Variants in LEF1 observed in about 807,000 individuals in gnomAD.
LEF1 encodes lymphoid enhancer binding factor 1.
In LEF1, 14 loss-of-function variants were observed where a neutral mutation model predicts 51.2. The observed-to-expected ratio is 0.27, with a 90% confidence interval of 0.18 to 0.43. LEF1 has a LOEUF of 0.43. Among genes scored for constraint, LEF1 ranks in the 20% least tolerant of loss-of-function variants. The pLI is 1.00. For missense variants in LEF1, 386 were observed against 512.0 expected, an observed-to-expected ratio of 0.75 and a Z score of 2.37; for synonymous variants, 185 against 183.2, an observed-to-expected ratio of 1.01 and a Z score of -0.08.
At chr4:108,145,837 C>T (rs1242931497) in intron 3 of LEF1, among the ~76,000 whole-genome samples, 1 of 152,066 alleles carries the variant, frequency 6.6e-6, no homozygotes, top group Admixed American at 6.5e-5. Flanking sequence ...GGGGTGAGCA[C>T]TGAGGGAATG....
intron 3 of LEF1, among the ~76,000 whole-genome samples, chr4:108,128,511 T>A (rs1179098736): frequency 6.6e-6 from 1 of 151,902 alleles, no homozygotes; most frequent in Non-Finnish European, 1.5e-5. Flanking sequence ...GGAAGGGCTT[T>A]TTTTTTTTTC....
chr4:108,167,875 C>A lies in LEF1; in HGVS notation c.-108G>T, dbSNP rs1362241474. 2.9e-5 allele frequency: 29 copies of A among 984,508 alleles called. 1 individual carries two copies. In the South Asian group the frequency reaches 4.4e-4, roughly 15 times the overall value. 61.0% of individuals were successfully genotyped at this position (984,508 alleles called of 1,614,324 possible). A position where few individuals can be genotyped will look rare whatever the true frequency, so the allele number is the denominator to read the frequency against. Reference sequence around the variant, plus strand: ...GGAGGAAAGGAGAGTTGGAAGGGTTCGTGCAGCAGGACAGCGGGCGGAAGC... The same window carrying A: ...GGAGGAAAGGAGAGTTGGAAGGGTTAGTGCAGCAGGACAGCGGGCGGAAGC... On this transcript the variant is annotated 5_prime_UTR_variant, in exon 1 of 12. Coordinates refer to ENST00000265165, the MANE Select transcript of LEF1 (RefSeq NM_016269.5). The surrounding 1 kb of genome is among the most constrained non-coding windows in gnomAD (Gnocchi z 5.7).
intron 11 of LEF1, among the ~76,000 whole-genome samples, chr4:108,052,345 T>A (rs1356142038): frequency 6.6e-6 from 1 of 152,242 alleles, no homozygotes; most frequent in African/African-American, 2.4e-5. Context: ...CCTCTTCCTT[T>A]TACGCCACTC....
At chr4:108,157,534 C>G (rs180838247) in intron 3 of LEF1, among the ~76,000 whole-genome samples, 1 of 152,272 alleles carries the variant, frequency 6.6e-6, no homozygotes, top group East Asian at 1.9e-4. Flanking sequence ...AAACTGTCAT[C>G]AAGTTCCACA....
At chr4:108,149,458 CAA>C (rs371482539) in intron 3 of LEF1, among the ~76,000 whole-genome samples, 10 of 60,588 alleles carry the variant, frequency 1.7e-4, no homozygotes, top group African/African-American at 5.8e-4. Flanking sequence ...GACTCCGTCT[CAA>C]AAAAAAAAAA....
At chr4:108,075,607 A>T (rs1738805150) in intron 8 of LEF1, 1 of 152,232 alleles carries the variant, frequency 6.6e-6, no homozygotes, top group South Asian at 2.1e-4. Flanking sequence ...GTGAAAATGT[A>T]ATTTAAATTA....
At chr4:108,050,962 C>T (rs979788562) in intron 11 of LEF1, among the ~76,000 whole-genome samples, 11 of 152,304 alleles carry the variant, frequency 7.2e-5, no homozygotes, top group African/African-American at 2.4e-4. Flanking sequence ...CCCTTCACTG[C>T]CTTACCTAAG....
At chr4:108,159,839 T>C (rs1560831873) in intron 3 of LEF1, among the ~76,000 whole-genome samples, 1 of 152,202 alleles carries the variant, frequency 6.6e-6, no homozygotes, top group Non-Finnish European at 1.5e-5. Context: ...TAGCAATTTC[T>C]ACTTTAAAAA....
Position 108,141,664 on chromosome 4 carries a change from G to A in LEF1, c.414+21904C>T, listed in dbSNP as rs1404729471. Among the ~76,000 whole-genome samples, 15 of 152,192 alleles carry A rather than the reference G, an allele frequency of 9.9e-5. 1 individual carries two copies. Among genetic ancestry groups the A allele is most frequent in the Non-Finnish European group, 1.0e-4 (7 of 68,044 alleles). ...CTTTGAAGAGATCAAAGCCAAGGCCGCAAGCAGTTGTGCGCCCTGGGAATA... is the reference window on the plus strand; with the variant it reads ...CTTTGAAGAGATCAAAGCCAAGGCCACAAGCAGTTGTGCGCCCTGGGAATA... On this transcript the variant is annotated intron_variant, in intron 3 of 11. Transcript: ENST00000265165.
At chr4:108,139,376 AT>A (rs1743501173) in intron 3 of LEF1, among the ~76,000 whole-genome samples, 2 of 152,268 alleles carry the variant, frequency 1.3e-5, no homozygotes, top group Non-Finnish European at 2.9e-5. Flanking sequence ...TAGAGTTTAT[AT>A]ATAGAACATG....
At chr4:108,129,217 T>C (rs1350023999) in intron 3 of LEF1, among the ~76,000 whole-genome samples, 1 of 152,224 alleles carries the variant, frequency 6.6e-6, no homozygotes, top group Non-Finnish European at 1.5e-5. Context: ...TCTGAGTATA[T>C]GGAGCTCTGG....
chr4:108,137,557 T>C (rs908812636), intron 3 of LEF1, among the ~76,000 whole-genome samples: 2 of 152,204 alleles, frequency 1.3e-5, no homozygotes, highest in Non-Finnish European at 2.9e-5. Flanking sequence ...AGGCTGTGTG[T>C]GCTGGGGGGA....
intron 3 of LEF1, among the ~76,000 whole-genome samples, chr4:108,163,146 A>G (rs907429727): frequency 1.3e-5 from 2 of 152,242 alleles, no homozygotes; most frequent in Admixed American, 1.3e-4. Context: ...CCAAAGTAAC[A>G]TAACAAACAT....
In LEF1 at chr4:108,166,340, C is replaced by T. The variant is rs763700608; in HGVS notation, c.214-1177G>A. The T allele has an allele frequency of 2.1e-5, 32 of 1,520,052 alleles. No homozygotes were observed. In the South Asian group the frequency reaches 4.0e-4, roughly 19 times the overall value. The allele number at this position is 1,520,052 out of a possible 1,614,324, so 94.2% of individuals were successfully genotyped here. ...ACGCGCTGTTTAAAACCCAAAATGT[C>T]CCCGCCCTCAAAACCACACACTTTC... On this transcript the variant is annotated intron_variant, in intron 1 of 11. Transcript: ENST00000265165.
intron 3 of LEF1, among the ~76,000 whole-genome samples, chr4:108,102,063 C>CA (rs5860893): frequency 0.14 from 10,994 of 77,662 alleles, 971 homozygotes; most frequent in African/African-American, 0.33. Context: ...AACCCGGTCT[C>CA]AAAAAAAAAA....
Position 108,167,947 on chromosome 4 carries a change from C to T in LEF1, c.-180G>A. 1 of 350,264 alleles carries T rather than the reference C, an allele frequency of 2.9e-6. No homozygotes were observed. The highest frequency in any genetic ancestry group is 4.9e-5 in the Admixed American group (1 of 20,406). 21.7% of individuals were successfully genotyped at this position (350,264 alleles called of 1,614,324 possible). On this transcript the variant is annotated 5_prime_UTR_variant, in exon 1 of 12. Transcript: ENST00000265165. The surrounding 1 kb of genome is among the most constrained non-coding windows in gnomAD (Gnocchi z 5.7). ...GCCGGCCGGCAGCCGGAGCAGCTGC[C>T]GCGGCGCCCGAATCCCGGCGGCCGC...
chr4:108,089,102 C>T (rs202005724), intron 4 of LEF1, 23 bp downstream of exon 4: 102 of 1,611,554 alleles, frequency 6.3e-5, no homozygotes, highest in Middle Eastern at 1.7e-4. Flanking sequence ...AAAAAAAGGG[C>T]CTGGAAAGAC....
chr4:108,117,963 G>A (rs1741940560), intron 3 of LEF1, among the ~76,000 whole-genome samples: 1 of 152,104 alleles, frequency 6.6e-6, no homozygotes, highest in Admixed American at 6.6e-5. Context: ...TAGCATTTGG[G>A]GCAGTCATTA....
At chr4:108,101,350 T>C (rs887273994) in intron 3 of LEF1, among the ~76,000 whole-genome samples, 3 of 152,110 alleles carry the variant, frequency 2.0e-5, no homozygotes, top group Non-Finnish European at 4.4e-5. Context: ...GAAGCTGACA[T>C]TGGGCTAAAT....
Sources: allele counts gnomAD v4.1 joint callset (sites outside exome capture counted in the v4.1 genomes callset), GRCh38; gene constraint gnomAD v4.1.1; non-coding constraint Gnocchi (gnomAD v3.1); transcripts MANE v1.5; gene names NCBI Gene and HGNC (gene_info 2026-07-23, HGNC 2026-07-21).